Variants in PIK3CB observed in about 807,000 individuals in gnomAD.
The protein encoded by PIK3CB is phosphatidylinositol 4,5-bisphosphate 3-kinase catalytic subunit beta isoform.
A neutral mutation model predicts 136.8 loss-of-function variants in PIK3CB; 39 were observed. That is an observed-to-expected ratio of 0.29 (90% confidence interval 0.22 to 0.37). PIK3CB has a LOEUF of 0.37. PIK3CB is among the 10% of genes least tolerant of loss of function. The pLI is 1.00. For synonymous variants in PIK3CB, 428 were observed against 436.6 expected (o/e 0.98, Z 0.25); for missense variants, 868 against 1,275.4 (o/e 0.68, Z 4.87).
intron 4 of PIK3CB, among the ~76,000 whole-genome samples, 157 bp from the exon 5 acceptor site, chr3:138,742,938 CA>C (rs1390669839): frequency 1.3e-5 from 2 of 151,936 alleles, no homozygotes; most frequent in African/African-American, 4.8e-5. Context: ...CATTAAAGAT[CA>C]AAAAACCCAG....
intron 23 of PIK3CB, 144 bp from the exon 24 acceptor site, chr3:138,655,670 C>A: frequency 1.5e-6 from 1 of 653,874 alleles, no homozygotes; most frequent in Non-Finnish European, 2.7e-6. Context: ...ATATCATCTG[C>A]AGGAGGCAGA....
intron 2 of PIK3CB, among the ~76,000 whole-genome samples, chr3:138,787,743 A>G (rs2045997911): frequency 2.0e-5 from 3 of 151,362 alleles, no homozygotes; most frequent in Admixed American, 6.6e-5. Context: ...TTAAAGAAAG[A>G]AAAAAAAATC....
At chr3:138,734,888 A>G in intron 6 of PIK3CB, 84 bp from the exon 7 acceptor site, 1 of 843,842 alleles carries the variant, frequency 1.2e-6, no homozygotes, top group Non-Finnish European at 1.8e-6. Flanking sequence ...ACAACACTAT[A>G]TCAAATGCAC....
At chr3:138,656,995 G>A (rs1216109912) in intron 22 of PIK3CB, among the ~76,000 whole-genome samples, 2 of 152,138 alleles carry the variant, frequency 1.3e-5, no homozygotes, top group South Asian at 2.1e-4. Flanking sequence ...CTCAAACTCC[G>A]ACCTCCAGTG....
intron 2 of PIK3CB, chr3:138,778,461 C>T (rs2045885107): frequency 8.3e-6 from 2 of 241,260 alleles, no homozygotes; most frequent in Non-Finnish European, 1.7e-5. Context: ...GCTGCCAAAG[C>T]TGTGGGCAAA....
At chr3:138,783,894 T>C (rs2045946646) in intron 2 of PIK3CB, among the ~76,000 whole-genome samples, 1 of 152,068 alleles carries the variant, frequency 6.6e-6, no homozygotes, top group Non-Finnish European at 1.5e-5. Flanking sequence ...ATTGGGATAA[T>C]AATTAGTTTC....
chr3:138,676,116 C>G (rs1170635960), intron 19 of PIK3CB, among the ~76,000 whole-genome samples: 1 of 151,928 alleles, frequency 6.6e-6, no homozygotes, highest in Non-Finnish European at 1.5e-5. Flanking sequence ...TATAACTTAA[C>G]AATAAAAAGA....
intron 1 of PIK3CB, among the ~76,000 whole-genome samples, chr3:138,811,020 C>T (rs1463679286): frequency 6.6e-6 from 1 of 151,684 alleles, no homozygotes; most frequent in African/African-American, 2.4e-5. Flanking sequence ...CAAGGTCAGG[C>T]GTTTGACACC....
In PIK3CB at chr3:138,663,103, A is replaced by C. The variant is rs1178019707; in HGVS notation, c.2796+803T>G. On this transcript the variant is annotated intron_variant, in intron 21 of 23. Coordinates refer to ENST00000674063, the MANE Select transcript of PIK3CB (RefSeq NM_006219.3). Reference sequence around the variant, plus strand: ...GAGCTTCTGCACAGCAAAAGAAACTACCATCAGAGTGAACAGGCAACCTAC... The same window carrying C: ...GAGCTTCTGCACAGCAAAAGAAACTCCCATCAGAGTGAACAGGCAACCTAC... Among the ~76,000 whole-genome samples, 5 of 152,258 alleles carry C rather than the reference A, an allele frequency of 3.3e-5. No homozygotes were observed. In the East Asian group the frequency reaches 9.7e-4, roughly 29 times the overall value.
intron 2 of PIK3CB, among the ~76,000 whole-genome samples, chr3:138,765,450 A>G (rs2045721193): frequency 6.6e-6 from 1 of 151,816 alleles, no homozygotes; most frequent in African/African-American, 2.4e-5. Context: ...GAAATATCAC[A>G]AACAGCCTCC....
intron 2 of PIK3CB, among the ~76,000 whole-genome samples, chr3:138,765,785 T>C (rs540672719): frequency 2.2e-4 from 34 of 151,478 alleles, no homozygotes; most frequent in Non-Finnish European, 3.1e-4. Flanking sequence ...GCCCAGGAGG[T>C]TGAGGCTGCT....
intron 19 of PIK3CB, among the ~76,000 whole-genome samples, chr3:138,673,585 A>G (rs564341168): frequency 6.6e-6 from 1 of 152,314 alleles, no homozygotes; most frequent in South Asian, 2.1e-4. Flanking sequence ...TCTCCATAAA[A>G]GCAACAAGAA....
At chr3:138,659,165 C>A (rs1490471791) in intron 21 of PIK3CB, among the ~76,000 whole-genome samples, 1 of 152,202 alleles carries the variant, frequency 6.6e-6, no homozygotes, top group Non-Finnish European at 1.5e-5. Flanking sequence ...ACCCCACCCC[C>A]CAGTTATGAC....
intron 1 of PIK3CB, among the ~76,000 whole-genome samples, chr3:138,834,435 T>C (rs879894095): frequency 6.6e-6 from 1 of 152,194 alleles, no homozygotes; most frequent in African/African-American, 2.4e-5. Context: ...CGGCAGCGTC[T>C]CTGCCGCCCA....
At chr3:138,800,647 C>T (rs573470217) in intron 1 of PIK3CB, among the ~76,000 whole-genome samples, 13 of 152,006 alleles carry the variant, frequency 8.6e-5, no homozygotes, top group African/African-American at 1.4e-4. Flanking sequence ...ATTTTTGAGA[C>T]GGAGTCTCAC....
At chr3:138,789,279 G>A (rs940096836) in intron 2 of PIK3CB, among the ~76,000 whole-genome samples, 2 of 152,004 alleles carry the variant, frequency 1.3e-5, no homozygotes, top group African/African-American at 2.4e-5. Context: ...GCAACGTGGC[G>A]AAACACTGTC....
rs75636949 is a variant in PIK3CB at position 138,666,232 on chromosome 3, C to T, written c.2505-1029G>A. Among the ~76,000 whole-genome samples, 1,307 of 152,102 alleles carry T rather than the reference C, an allele frequency of 8.6e-3. 27 individuals are homozygous for T. Among genetic ancestry groups the T allele is most frequent in the African/African-American group, 0.029 (1,185 of 41,496 alleles). ...ATTGCCCAGGCTGAGTGCAGTGACA[C>T]GATCATAGCTCACCATAGCGTCAAA... On this transcript the variant is annotated intron_variant, in intron 19 of 23. Coordinates refer to ENST00000674063, the MANE Select transcript of PIK3CB (RefSeq NM_006219.3).
chr3:138,761,500 T>A (rs528922021), intron 2 of PIK3CB, among the ~76,000 whole-genome samples: 159 of 152,276 alleles, frequency 1.0e-3, no homozygotes, highest in Non-Finnish European at 1.8e-3. Flanking sequence ...AGCCAGGCAC[T>A]GTGGCCCATG....
At chr3:138,780,515 C>G (rs1389168811) in intron 2 of PIK3CB, among the ~76,000 whole-genome samples, 1 of 152,002 alleles carries the variant, frequency 6.6e-6, no homozygotes, top group African/African-American at 2.4e-5. Context: ...GTGATCTGCC[C>G]ACCTTGGCCT....
Sources: allele counts gnomAD v4.1 joint callset (sites outside exome capture counted in the v4.1 genomes callset), GRCh38; gene constraint gnomAD v4.1.1; transcripts MANE v1.5; gene names NCBI Gene and HGNC (gene_info 2026-07-23, HGNC 2026-07-21).